Variants in FMN1 observed in about 807,000 individuals in gnomAD.
The protein encoded by FMN1 is formin-1.
FMN1 carries 110 observed loss-of-function variants against 132.4 expected under a neutral mutation model. The ratio of observed to expected loss-of-function variants is 0.83; its 90% CI spans 0.71 to 0.97. FMN1 has a LOEUF of 0.97. Among genes scored for constraint, FMN1 ranks in the 50% least tolerant of loss-of-function variants. The pLI, the probability that FMN1 is intolerant of heterozygous loss-of-function variation, is 0.00. For missense variants in FMN1, 1,792 were observed against 1,705.3 expected (o/e 1.05, Z -0.90); for synonymous variants, 722 against 651.7 (o/e 1.11, Z -1.64).
intron 2 of FMN1, among the ~76,000 whole-genome samples, chr15:33,180,998 C>G (rs34386004): frequency 0.87 from 132,846 of 152,172 alleles, 58,463 homozygotes; most frequent in Middle Eastern, 0.95. Context: ...TGATCCATCA[C>G]CCTTGGCCTC....
intron 9 of FMN1, among the ~76,000 whole-genome samples, chr15:32,930,296 A>AT (rs2061078762): frequency 6.6e-6 from 1 of 151,992 alleles, no homozygotes; most frequent in Non-Finnish European, 1.5e-5. Flanking sequence ...CTATTTTTAA[A>AT]TTTTTAAAGA....
chr15:32,810,868 G>T (rs1240269421), intron 17 of FMN1: 2 of 430,326 alleles, frequency 4.6e-6, no homozygotes, highest in Non-Finnish European at 9.3e-6. Flanking sequence ...ACCTGACATG[G>T]TTGGTATAAA....
chr15:32,859,971 G>C (rs1042984400), intron 16 of FMN1, among the ~76,000 whole-genome samples: 1 of 152,074 alleles, frequency 6.6e-6, no homozygotes, highest in Admixed American at 6.6e-5. Flanking sequence ...CCAGGAGTTC[G>C]AGGCTGCAGT....
intron 9 of FMN1, among the ~76,000 whole-genome samples, chr15:32,950,054 CATAT>C (rs1226548479): frequency 0.05 from 246 of 4,916 alleles, 70 homozygotes; most frequent in African/African-American, 0.098. Context: ...TATATATACA[CATAT>C]ATATATATAT....
At chr15:32,861,162 C>G (rs758109565) in intron 16 of FMN1, among the ~76,000 whole-genome samples, 1 of 152,164 alleles carries the variant, frequency 6.6e-6, no homozygotes, top group Non-Finnish European at 1.5e-5. Flanking sequence ...AATTGTTTTT[C>G]ATGAACGTAG....
At chr15:33,125,277 G>A (rs1962945216) in intron 4 of FMN1, among the ~76,000 whole-genome samples, 1 of 152,112 alleles carries the variant, frequency 6.6e-6, no homozygotes, top group African/African-American at 2.4e-5. Flanking sequence ...AAAGTTTAGA[G>A]ATAATACATA....
At chr15:32,914,296 A>C (rs1389197542) in intron 10 of FMN1, among the ~76,000 whole-genome samples, 1 of 152,220 alleles carries the variant, frequency 6.6e-6, no homozygotes, top group Admixed American at 6.5e-5. Context: ...AATTAAGCTA[A>C]ATTCATCCAT....
intron 17 of FMN1, among the ~76,000 whole-genome samples, chr15:32,830,529 T>C (rs551149420): frequency 6.6e-6 from 1 of 152,328 alleles, no homozygotes; most frequent in East Asian, 1.9e-4. Flanking sequence ...TTAAATTCTT[T>C]CCTTTTTTGG....
intron 16 of FMN1, among the ~76,000 whole-genome samples, chr15:32,868,071 G>A (rs557925325): frequency 6.6e-6 from 1 of 152,308 alleles, no homozygotes; most frequent in East Asian, 1.9e-4. Flanking sequence ...GAATTTGGCT[G>A]TAGTACATGT....
intron 19 of FMN1, among the ~76,000 whole-genome samples, chr15:32,777,667 CAT>C (rs1293123551): frequency 7.8e-5 from 8 of 102,690 alleles, no homozygotes; most frequent in South Asian, 3.2e-4. Flanking sequence ...TTACGTATAA[CAT>C]AACACATTTA....
At chr15:32,898,284 C>G (rs2060207963) in intron 15 of FMN1, among the ~76,000 whole-genome samples, 1 of 150,812 alleles carries the variant, frequency 6.6e-6, no homozygotes, top group Admixed American at 6.6e-5. Context: ...CTCAAAATTA[C>G]AACTCCTTGT....
chr15:32,984,978 CAAAAAAAAAAA>C (rs11330959), intron 7 of FMN1, among the ~76,000 whole-genome samples: 1 of 97,266 alleles, frequency 1.0e-5, no homozygotes, highest in African/African-American at 3.7e-5. Flanking sequence ...CATCCATCAC[CAAAAAAAAAAA>C]AAAAAAAAAA....
At chr15:33,160,516 C>G (rs1277542443) in intron 3 of FMN1, among the ~76,000 whole-genome samples, 1 of 152,274 alleles carries the variant, frequency 6.6e-6, no homozygotes, top group South Asian at 2.1e-4. Context: ...ACATATTTTT[C>G]ATCCAAGAAA....
intron 4 of FMN1, among the ~76,000 whole-genome samples, chr15:33,127,920 G>A (rs566773521): frequency 1.1e-4 from 15 of 137,036 alleles, no homozygotes; most frequent in South Asian, 7.1e-4. Context: ...GGAGACAGAT[G>A]GAAATAGAAG....
intron 12 of FMN1, among the ~76,000 whole-genome samples, chr15:32,903,034 T>C (rs1567360704): frequency 6.6e-6 from 1 of 152,246 alleles, no homozygotes; most frequent in Non-Finnish European, 1.5e-5. Flanking sequence ...TGAAGCCTAC[T>C]TCTTTCTATA....
intron 16 of FMN1, among the ~76,000 whole-genome samples, chr15:32,875,128 C>T (rs554859541): frequency 1.3e-5 from 2 of 152,294 alleles, no homozygotes; most frequent in South Asian, 2.1e-4. Context: ...GCAAATGGCC[C>T]TTAAATGGCC....
At chr15:32,782,960 T>C (rs1460191683) in intron 19 of FMN1, among the ~76,000 whole-genome samples, 1 of 151,120 alleles carries the variant, frequency 6.6e-6, no homozygotes, top group African/African-American at 2.4e-5. Flanking sequence ...TGGTTACACA[T>C]GGACATATAG....
chr15:32,945,923 T>C (rs2061499997), intron 9 of FMN1, among the ~76,000 whole-genome samples: 1 of 152,216 alleles, frequency 6.6e-6, no homozygotes, highest in Admixed American at 6.5e-5. Flanking sequence ...TAGTCTTCAT[T>C]TGCCGCCATT....
intron 6 of FMN1, among the ~76,000 whole-genome samples, chr15:33,011,526 A>G (rs1000547551): frequency 6.6e-6 from 1 of 150,664 alleles, no homozygotes. Context: ...TAGAAAAAAG[A>G]TTTCTTAATA....
Sources: gnomAD v4.1 joint callset for allele counts (sites outside exome capture counted in the v4.1 genomes callset) on GRCh38, gnomAD v4.1.1 for gene constraint, MANE v1.5 for transcripts, NCBI Gene and HGNC (gene_info 2026-07-23, HGNC 2026-07-21) for gene names.